The following RBFOX2 variants were observed in gnomAD, a reference collection of about 807,000 sequenced individuals.
RBFOX2 encodes RNA binding fox-1 homolog 2, also known as RNA binding protein fox-1 homolog 2.
In RBFOX2, 10 loss-of-function variants were observed where a neutral mutation model predicts 49.1. The observed-to-expected ratio is 0.20, with a 90% CI of 0.13 to 0.35. The LOEUF (loss-of-function observed/expected upper bound fraction) is 0.35. Ranked by LOEUF, RBFOX2 falls within the 10% of genes least tolerant of loss-of-function variation. RBFOX2 has a pLI of 1.00. For missense variants in RBFOX2, 323 were observed against 486.9 expected, an observed-to-expected ratio of 0.66 and a Z score of 3.17; for synonymous variants, 183 against 187.4, an observed-to-expected ratio of 0.98 and a Z score of 0.19.
At chr22:35,939,347 C>T (rs2053461929), upstream of RBFOX2, 1 of 395,816 alleles carries the variant, frequency 2.5e-6, no homozygotes, top group Non-Finnish European at 5.1e-6. Context: ...AAGTACCAAC[C>T]CTGCTGAGAA....
intron 1 of RBFOX2, among the ~76,000 whole-genome samples, chr22:35,984,747 G>T (rs1018944295): frequency 2.6e-5 from 4 of 152,028 alleles, no homozygotes; most frequent in African/African-American, 9.7e-5. Context: ...AGAAGCACAA[G>T]AATATACTAT....
At chr22:35,789,677 C>G (rs1484222526) in intron 2 of RBFOX2, among the ~76,000 whole-genome samples, 1 of 152,170 alleles carries the variant, frequency 6.6e-6, no homozygotes, top group African/African-American at 2.4e-5. Context: ...AACCCCCATC[C>G]CCCAAACTAG....
intron 2 of RBFOX2, among the ~76,000 whole-genome samples, chr22:35,783,621 C>T (rs1222852177): frequency 1.3e-5 from 2 of 152,014 alleles, no homozygotes; most frequent in Non-Finnish European, 2.9e-5. Flanking sequence ...TCAGGAAACT[C>T]CAGCAGCTGC....
chr22:35,780,619 CTG>C (rs1368469474), intron 3 of RBFOX2, among the ~76,000 whole-genome samples: 3 of 152,172 alleles, frequency 2.0e-5, no homozygotes, highest in Non-Finnish European at 2.9e-5. Context: ...GGTCTTGACA[CTG>C]TGCAGTATGA....
rs181989949 is a variant in RBFOX2 at position 35,868,890 on chromosome 22, A to C, written c.-33-58886T>G. 1.6e-4 allele frequency among the ~76,000 whole-genome samples: 25 copies of C among 152,318 alleles called. No individual in the cohort carries two copies. The Middle Eastern group carries it at 0.01, about 62-fold the overall frequency. ...GGTATTGTTCCATTTAAACACACCT[A>C]TCTTTCCTTGGCAAACAATCATTAC... On this transcript the variant is annotated intron_variant, in intron 1 of 13. Coordinates refer to the RBFOX2 transcript ENST00000359369.
At chr22:35,858,554 G>A (rs928478272) in intron 1 of RBFOX2, among the ~76,000 whole-genome samples, 17 of 152,042 alleles carry the variant, frequency 1.1e-4, no homozygotes, top group Admixed American at 2.0e-4. Context: ...GGCCAGGCAC[G>A]GTGGCTCAGG....
intron 1 of RBFOX2, among the ~76,000 whole-genome samples, chr22:35,851,450 G>T (rs1194621535): frequency 2.6e-5 from 4 of 152,138 alleles, no homozygotes; most frequent in Non-Finnish European, 5.9e-5. Context: ...TAAGGACACA[G>T]GCAAAGCCAA....
rs1414116538 is a variant in RBFOX2 at position 35,846,169 on chromosome 22, A to G, written c.-33-36165T>C. Among the ~76,000 whole-genome samples the G allele has an allele frequency of 3.3e-5, 5 of 149,914 alleles. No individual in the cohort carries two copies. In the Admixed American group the frequency reaches 3.3e-4, roughly 10 times the overall value. On this transcript the variant is annotated intron_variant, in intron 1 of 13. Transcript: ENST00000359369. The stretch of plus-strand genomic sequence containing the variant: ...ATGTTAATATAATTACATACACTAT[A>G]ATTATAAACTTGCATATGTTAATAT...
intron 1 of RBFOX2, among the ~76,000 whole-genome samples, chr22:35,868,023 C>A (rs1264490590): frequency 6.6e-6 from 1 of 151,964 alleles, no homozygotes; most frequent in Non-Finnish European, 1.5e-5. Flanking sequence ...CCAGCCTGGG[C>A]AACATGGCAA....
At chr22:35,747,047 T>C (rs1019281408) in intron 9 of RBFOX2, 2 of 152,368 alleles carry the variant, frequency 1.3e-5, no homozygotes, top group African/African-American at 2.4e-5. Context: ...CAGAAACCTC[T>C]GCTCCATCCG....
chr22:35,746,536 G>A, exon 10 of RBFOX2: 2 of 1,608,544 alleles, frequency 1.2e-6, no homozygotes, highest in Non-Finnish European at 1.7e-6. Flanking sequence ...AGCAGGCTGT[G>A]CATATCTGTA....
intron 1 of RBFOX2, among the ~76,000 whole-genome samples, chr22:35,912,291 G>C (rs539560893): frequency 6.6e-6 from 1 of 152,204 alleles, no homozygotes; most frequent in Non-Finnish European, 1.5e-5. Context: ...AGAAGAACAT[G>C]AGCATTCATT....
Position 35,789,291 on chromosome 22 carries a change from C to T in RBFOX2, c.253-7545G>A, listed in dbSNP as rs547627383. ...GGTAGAGCGGCTCACACCTGTAATC[C>T]CAGCACTTTGGGAGGCTGAGGTGGG... is the stretch of plus-strand genomic sequence containing the variant. On this transcript the variant is annotated intron_variant, in intron 2 of 11. Coordinates refer to ENST00000405409, the Ensembl canonical transcript of RBFOX2. Among the ~76,000 whole-genome samples the T allele has an allele frequency of 7.9e-5, 12 of 152,194 alleles. No individual in the cohort carries two copies. The South Asian group carries it at 2.5e-3, about 32-fold the overall frequency.
rs547632141 is a variant in RBFOX2 at position 35,764,038 on chromosome 22, TAG to T, written c.607+1383_607+1384del. 8.5e-5 allele frequency among the ~76,000 whole-genome samples: 13 copies of T among 152,254 alleles called. No individual in the cohort carries two copies. In the South Asian group the frequency reaches 2.5e-3, roughly 29 times the overall value. On this transcript the variant is annotated intron_variant, in intron 6 of 11. Transcript: ENST00000405409. ...TTACTTTGAGTTTTTATCAAAATTG[TAG>T]AGACTTGTTTTTGTAAGAGCAGTGA...
chr22:35,955,971 T>A (rs2055505867), intron 1 of RBFOX2, among the ~76,000 whole-genome samples: 1 of 152,244 alleles, frequency 6.6e-6, no homozygotes, highest in African/African-American at 2.4e-5. Flanking sequence ...TCTTTAATAC[T>A]GTACCAAAGG....
At chr22:35,762,592 G>A (rs1276113213) in intron 6 of RBFOX2, among the ~76,000 whole-genome samples, 3 of 146,954 alleles carry the variant, frequency 2.0e-5, no homozygotes, top group African/African-American at 7.6e-5. Context: ...CCACAACCTC[G>A]GCTCCTGGGT....
rs775867909 is a variant in RBFOX2, at chr22:35,845,817, C to T, written c.-33-35813G>A. ...AAATTGAAGACTGCTCTTTATCCAACGGCATGCCACGAATATGCCATGCCT... is the reference window on the plus strand; with the variant it reads ...AAATTGAAGACTGCTCTTTATCCAATGGCATGCCACGAATATGCCATGCCT... On this transcript the variant is annotated intron_variant, in intron 1 of 13. Transcript: ENST00000359369. Among the ~76,000 whole-genome samples, 18 of 152,130 alleles carry T rather than the reference C, an allele frequency of 1.2e-4. 1 individual carries two copies. The highest frequency in any genetic ancestry group is 4.1e-4 in the South Asian group (2 of 4,826).
At chr22:35,830,394 C>A (rs1436790730) in intron 1 of RBFOX2, among the ~76,000 whole-genome samples, 1 of 152,118 alleles carries the variant, frequency 6.6e-6, no homozygotes, top group Non-Finnish European at 1.5e-5. Flanking sequence ...CCTTTAAAGA[C>A]AAATTAATCA....
At chr22:35,873,399 TA>T (rs1439211138) in intron 1 of RBFOX2, among the ~76,000 whole-genome samples, 2 of 152,142 alleles carry the variant, frequency 1.3e-5, no homozygotes, top group Admixed American at 6.5e-5. Context: ...GTGCTGAGAT[TA>T]CAGGCCACCA....
Sources: gnomAD v4.1 joint callset for allele counts (sites outside exome capture counted in the v4.1 genomes callset) on GRCh38, gnomAD v4.1.1 for gene constraint, MANE v1.5 for transcripts, NCBI Gene and HGNC (gene_info 2026-07-23, HGNC 2026-07-21) for gene names.